Variants in ZNF280D observed in about 807,000 individuals in gnomAD.
ZNF280D encodes suppressor of hairy wing homolog 4.
In ZNF280D, 39 loss-of-function variants were observed where a neutral mutation model predicts 94.7. The ratio of observed to expected loss-of-function variants is 0.41; its 90% confidence interval spans 0.32 to 0.54. The LOEUF (loss-of-function observed/expected upper bound fraction) is 0.54, where lower values mean the gene tolerates loss of function less well. Among genes scored for constraint, ZNF280D ranks in the 20% least tolerant of loss-of-function variants. The pLI is 0.22. For missense variants in ZNF280D, 1,090 were observed against 1,149.3 expected, an observed-to-expected ratio of 0.95 and a Z score of 0.75; for synonymous variants, 398 against 377.6, an observed-to-expected ratio of 1.05 and a Z score of -0.63.
intron 10 of ZNF280D, among the ~76,000 whole-genome samples, 186 bp downstream of exon 10, chr15:56,682,068 C>G (rs2055655485): frequency 6.6e-6 from 1 of 151,962 alleles, no homozygotes; most frequent in South Asian, 2.1e-4. Flanking sequence ...CTAACTGGAT[C>G]CAAGAGTCAA....
chr15:56,634,726 T>C (rs1445350578), intron 21 of ZNF280D, among the ~76,000 whole-genome samples: 1 of 152,166 alleles, frequency 6.6e-6, no homozygotes, highest in East Asian at 1.9e-4. Flanking sequence ...TTCTTTAACA[T>C]TCTACCAAAG....
intron 19 of ZNF280D, 88 bp downstream of exon 19, chr15:56,654,110 C>T (rs925617341): frequency 6.5e-6 from 10 of 1,535,470 alleles, no homozygotes; most frequent in Admixed American, 2.3e-5. Flanking sequence ...TACTTTAATA[C>T]TTTTCATTCG....
At position 56,700,852 on chromosome 15, in the gene ZNF280D, A is replaced by G. The variant is rs768955690; in HGVS notation, c.381+81T>C. On this transcript the variant is annotated intron_variant, in intron 6 of 21. Transcript: ENST00000267807. ...GGATGACTACTTATGACAGTCCAGA[A>G]TTGTAACTGGGTACTGTTGATATTG... The G allele has an allele frequency of 1.4e-5, 22 of 1,609,918 alleles. No individual in the cohort carries two copies. In the African/African-American group the frequency reaches 2.8e-4, roughly 21 times the overall value.
Position 56,642,978 on chromosome 15 carries a change from C to A in ZNF280D, c.2233G>T (p.Ala745Ser), listed in dbSNP as rs998829892. Reference protein sequence around the residue: ...HLSELKKEAPAKEQEPVSKEI... With the variant: ...HLSELKKEAPSKEQEPVSKEI... ...TTAGACACAGGTTCTTGTTCCTTTG[C>A]GGGAGCTTCTTTTTTTAATCTTGAA... The change falls in exon 20 of 22, where the codon GCA (alanine) becomes TCA (serine). Residue 745 changes from alanine (A) to serine (S), a missense_variant. Transcript: ENST00000267807. 5 of 1,503,486 alleles carry A rather than the reference C, an allele frequency of 3.3e-6. No individual in the cohort carries two copies. The highest frequency in any genetic ancestry group is 1.4e-5 in the African/African-American group (1 of 69,050). The allele number at this position is 1,503,486 out of a possible 1,614,324, so 93.1% of individuals were successfully genotyped here. A position where few individuals can be genotyped will look rare whatever the true frequency, so the allele number is the denominator to read the frequency against.
At chr15:56,662,694 G>A (rs559735284) in intron 16 of ZNF280D, among the ~76,000 whole-genome samples, 8 of 151,652 alleles carry the variant, frequency 5.3e-5, no homozygotes, top group African/African-American at 1.5e-4. Context: ...GCATGTTGGC[G>A]GCACCTGTAA....
intron 20 of ZNF280D, among the ~76,000 whole-genome samples, chr15:56,637,826 C>T (rs1304959032): frequency 6.6e-5 from 10 of 151,754 alleles, no homozygotes; most frequent in African/African-American, 2.4e-4. Context: ...ATTCTTCACA[C>T]CACACCGAGA....
chr15:56,642,577 C>T (rs1416354587), intron 20 of ZNF280D, among the ~76,000 whole-genome samples: 1 of 151,620 alleles, frequency 6.6e-6, no homozygotes, highest in African/African-American at 2.4e-5. Flanking sequence ...ATTAGTTTAA[C>T]CTTTTGACAG....
chr15:56,723,231 T>TAAA (rs547008066), intron 1 of ZNF280D, among the ~76,000 whole-genome samples: 975 of 90,976 alleles, frequency 0.011, 4 homozygotes, highest in Non-Finnish European at 0.018. Context: ...AGTATAATAA[T>TAAA]AAAAAAATAA....
chr15:56,674,644 AAAT>A (rs1211836135), intron 13 of ZNF280D, among the ~76,000 whole-genome samples: 1 of 152,096 alleles, frequency 6.6e-6, no homozygotes, highest in East Asian at 1.9e-4. Flanking sequence ...TATAAAACTG[AAAT>A]AATAATATAC....
intron 16 of ZNF280D, among the ~76,000 whole-genome samples, chr15:56,664,536 A>G (rs1308139071): frequency 1.3e-5 from 2 of 152,166 alleles, no homozygotes; most frequent in Admixed American, 6.5e-5. Flanking sequence ...CAGGAAAAAT[A>G]CGTGGGGTTG....
At chr15:56,632,977 A>G (rs1390031318) in intron 21 of ZNF280D, among the ~76,000 whole-genome samples, 2 of 152,172 alleles carry the variant, frequency 1.3e-5, no homozygotes, top group Non-Finnish European at 2.9e-5. Flanking sequence ...GTACACATAT[A>G]TATATGTGTG....
intron 13 of ZNF280D, among the ~76,000 whole-genome samples, chr15:56,675,543 C>T (rs1396294615): frequency 6.6e-6 from 1 of 151,574 alleles, no homozygotes; most frequent in Non-Finnish European, 1.5e-5. Flanking sequence ...GTTTGGGAGA[C>T]TTGAGAGATT....
chr15:56,653,680 A>G, intron 19 of ZNF280D: 1 of 1,337,052 alleles, frequency 7.5e-7, no homozygotes, highest in Non-Finnish European at 9.6e-7. Flanking sequence ...TAAGACGTAT[A>G]AGAAATTAAG....
chr15:56,731,813 C>A (rs558346583), intron 1 of ZNF280D, among the ~76,000 whole-genome samples: 1 of 152,158 alleles, frequency 6.6e-6, no homozygotes, highest in South Asian at 2.1e-4. Flanking sequence ...TTCAAATGGG[C>A]TATTTAACTT....
chr15:56,634,199 A>G (rs974274191), intron 21 of ZNF280D: 5 of 152,154 alleles, frequency 3.3e-5, no homozygotes, highest in Admixed American at 6.6e-5. Context: ...TCTGATTTTT[A>G]CACCAGGCTA....
Position 56,631,799 on chromosome 15 carries a change from T to G in ZNF280D, c.2639A>C (p.Asn880Thr), listed in dbSNP as rs746211536. Residue 880 changes from asparagine (N) to threonine (T), a missense_variant, in exon 22 of 22, where the codon AAT (asparagine) becomes ACT (threonine). Transcript: ENST00000267807. ...TGATGCTAATCGCAAATCCTTAATA[T>G]TCTTTGAAGAAAATCTGGCTTCACT... The part of the protein sequence containing the change: ...NSSEARFSSK[N>T]IKDLRLASDN... 6.8e-6 allele frequency: 11 copies of G among 1,614,000 alleles called. No individual in the cohort carries two copies. Among genetic ancestry groups the G allele is most frequent in the Middle Eastern group, 1.6e-4 (1 of 6,084 alleles).
At chr15:56,727,637 T>C (rs2058689241) in intron 1 of ZNF280D, among the ~76,000 whole-genome samples, 1 of 152,152 alleles carries the variant, frequency 6.6e-6, no homozygotes, top group African/African-American at 2.4e-5. Flanking sequence ...TTTCACTGAA[T>C]ACAATTAAGA....
chr15:56,672,492 A>G (rs2054936761), intron 13 of ZNF280D, among the ~76,000 whole-genome samples: 3 of 152,054 alleles, frequency 2.0e-5, no homozygotes, highest in Admixed American at 1.3e-4. Flanking sequence ...ATTGATTTGC[A>G]TATGTCGAAC....
At chr15:56,683,243 GACA>G (rs1414967670) in intron 9 of ZNF280D, among the ~76,000 whole-genome samples, 1 of 152,032 alleles carries the variant, frequency 6.6e-6, no homozygotes, top group African/African-American at 2.4e-5. Flanking sequence ...ACCAAAAATG[GACA>G]ACAACTTGTA....
Sources: allele counts gnomAD v4.1 joint callset (sites outside exome capture counted in the v4.1 genomes callset), GRCh38; gene constraint gnomAD v4.1.1; transcripts MANE v1.5; gene names NCBI Gene and HGNC (gene_info 2026-07-23, HGNC 2026-07-21).